CHSY3: variants seen among roughly 807,000 people sequenced by gnomAD.
CHSY3 encodes the protein chondroitin sulfate synthase 3.
In CHSY3, 35 loss-of-function variants were observed where a neutral mutation model predicts 67.2. That is an observed-to-expected ratio of 0.52 (90% CI 0.40 to 0.69). The LOEUF is 0.69. Among genes scored for constraint, CHSY3 ranks in the 30% least tolerant of loss-of-function variants. The pLI is 0.00. For synonymous variants in CHSY3, 474 were observed against 434.7 expected, an observed-to-expected ratio of 1.09 and a Z score of -1.12; for missense variants, 1,069 against 1,138.5, an observed-to-expected ratio of 0.94 and a Z score of 0.88.
chr5:129,982,696 TTA>T (rs1005106731), intron 2 of CHSY3, among the ~76,000 whole-genome samples: 2 of 152,040 alleles, frequency 1.3e-5, no homozygotes, highest in African/African-American at 2.4e-5. Flanking sequence ...GCTTTAAAAT[TTA>T]TGTTAATTTA....
intron 2 of CHSY3, among the ~76,000 whole-genome samples, chr5:129,913,821 A>G (rs1055198001): frequency 1.3e-5 from 2 of 152,200 alleles, no homozygotes; most frequent in African/African-American, 4.8e-5. Context: ...AAATTATTTC[A>G]TAAGACTAAC....
At chr5:129,939,460 G>C (rs1190971885) in intron 2 of CHSY3, among the ~76,000 whole-genome samples, 1 of 152,070 alleles carries the variant, frequency 6.6e-6, no homozygotes, top group Non-Finnish European at 1.5e-5. Flanking sequence ...TGTAATATTT[G>C]TATAGGATTT....
intron 2 of CHSY3, among the ~76,000 whole-genome samples, chr5:129,943,841 A>G (rs547033697): frequency 1.3e-5 from 2 of 152,352 alleles, no homozygotes; most frequent in African/African-American, 4.8e-5. Context: ...TGGATTAAAT[A>G]TTAAATATTG....
intron 2 of CHSY3, among the ~76,000 whole-genome samples, chr5:129,991,070 G>A (rs1297794697): frequency 6.6e-6 from 1 of 152,160 alleles, no homozygotes; most frequent in Non-Finnish European, 1.5e-5. Context: ...TAGATCATTA[G>A]AACTGAGTAA....
chr5:129,933,749 A>G (rs73785817), intron 2 of CHSY3, among the ~76,000 whole-genome samples: 80 of 152,230 alleles, frequency 5.3e-4, no homozygotes, highest in African/African-American at 1.9e-3. Context: ...TTATCTCTAA[A>G]TTCTTTTGTA....
In CHSY3 at chr5:130,028,529, T is replaced by C. The variant is rs150148733; in HGVS notation, c.1086+120169T>C. Reference sequence around the variant, plus strand: ...ATACTTTTTAATAATTATGAACTATTATTACAATTACTATTTTGGCTAAGC... The same window carrying C: ...ATACTTTTTAATAATTATGAACTATCATTACAATTACTATTTTGGCTAAGC... On this transcript the variant is annotated intron_variant, in intron 2 of 2. Coordinates refer to ENST00000305031, the MANE Select transcript of CHSY3 (RefSeq NM_175856.5). Among the ~76,000 whole-genome samples, 1,379 of 152,280 alleles carry C rather than the reference T, an allele frequency of 9.1e-3. 14 individuals are homozygous for C. Among genetic ancestry groups the C allele is most frequent in the Middle Eastern group, 0.017 (5 of 294 alleles).
At chr5:130,146,256 A>T (rs773210646) in intron 2 of CHSY3, among the ~76,000 whole-genome samples, 6 of 152,202 alleles carry the variant, frequency 3.9e-5, no homozygotes, top group Admixed American at 6.5e-5. Context: ...AAACAATGTG[A>T]TATTATCTAG....
chr5:129,972,713 C>T (rs1561479565), intron 2 of CHSY3, among the ~76,000 whole-genome samples: 1 of 151,958 alleles, frequency 6.6e-6, no homozygotes, highest in Non-Finnish European at 1.5e-5. Flanking sequence ...CTCTCCTACT[C>T]ACAAAGCTTT....
intron 2 of CHSY3, among the ~76,000 whole-genome samples, chr5:130,099,563 T>C: frequency 6.6e-6 from 1 of 152,232 alleles, no homozygotes; most frequent in East Asian, 1.9e-4. Flanking sequence ...AGAATGATTC[T>C]ATTTTGAATG....
chr5:130,031,268 G>A (rs922199803), intron 2 of CHSY3, among the ~76,000 whole-genome samples: 1 of 151,922 alleles, frequency 6.6e-6, no homozygotes, highest in Non-Finnish European at 1.5e-5. Flanking sequence ...TGTCCAAGGA[G>A]TTATATTATT....
chr5:129,921,222 C>T (rs1760913508), intron 2 of CHSY3, among the ~76,000 whole-genome samples: 1 of 152,154 alleles, frequency 6.6e-6, no homozygotes, highest in African/African-American at 2.4e-5. Context: ...TACTCTTGCA[C>T]TTTGGGGCCG....
intron 2 of CHSY3, among the ~76,000 whole-genome samples, chr5:130,087,905 G>T (rs933606124): frequency 6.6e-6 from 1 of 151,634 alleles, no homozygotes; most frequent in African/African-American, 2.4e-5. Context: ...AGCCCACATC[G>T]CCAAGTCAAT....
chr5:129,913,518 C>T lies in CHSY3; in HGVS notation c.1086+5158C>T, dbSNP rs569555641. Among the ~76,000 whole-genome samples, 27 of 152,154 alleles carry T rather than the reference C, an allele frequency of 1.8e-4. 1 individual carries two copies. The highest frequency in any genetic ancestry group is 7.9e-4 in the Admixed American group (12 of 15,284). ...TTCTCACTGTTAAAAATTATTTATA[C>T]ATTCATGTTCATTTTGTGTATTAGC... is the stretch of plus-strand genomic sequence containing the variant. On this transcript the variant is annotated intron_variant, in intron 2 of 2. Coordinates refer to ENST00000305031, the MANE Select transcript of CHSY3 (RefSeq NM_175856.5).
chr5:129,929,260 G>A (rs949296236), intron 2 of CHSY3, among the ~76,000 whole-genome samples: 11 of 152,188 alleles, frequency 7.2e-5, no homozygotes, highest in Non-Finnish European at 1.3e-4. Context: ...TGTGAGGAGT[G>A]AAAGAGATCA....
Position 130,185,670 on chromosome 5 carries a change from A to G in CHSY3, c.2528A>G (p.Asp843Gly). 1 of 1,614,012 alleles carries G rather than the reference A, an allele frequency of 6.2e-7. No homozygotes were observed. The highest frequency in any genetic ancestry group is 2.2e-5 in the East Asian group (1 of 44,870). The change falls in exon 3 of 3, where the codon GAC becomes GGC. Residue 843 changes from aspartate to glycine, a missense_variant. Around this residue, in one of 5 missense-constraint regions of CHSY3, gnomAD observed 139 missense variants for 152.8 expected, o/e 0.91. Transcript: ENST00000305031. ...FHPVHCDPNL[D>G]PKQYKMCLGS... ...CCAGTTCATTGTGATCCTAACTTGG[A>G]CCCTAAGCAGTATAAGATGTGCTTA...
intron 2 of CHSY3, among the ~76,000 whole-genome samples, chr5:129,986,770 G>A (rs1763216327): frequency 6.6e-6 from 1 of 152,068 alleles, no homozygotes; most frequent in Admixed American, 6.6e-5. Context: ...AGCCCCCCAA[G>A]TAGCTGGGAT....
At chr5:129,907,632 G>C (rs918614788) in intron 1 of CHSY3, among the ~76,000 whole-genome samples, 4 of 152,092 alleles carry the variant, frequency 2.6e-5, no homozygotes, top group Non-Finnish European at 5.9e-5. Context: ...CTGAAGTTTA[G>C]TTAATGGCAA....
chr5:130,052,437 T>C (rs1240952802), intron 2 of CHSY3, among the ~76,000 whole-genome samples: 2 of 152,182 alleles, frequency 1.3e-5, no homozygotes, highest in Non-Finnish European at 2.9e-5. Flanking sequence ...TTACTTTTGG[T>C]ATTATTATCC....
chr5:130,176,755 C>T (rs961878033), intron 2 of CHSY3, among the ~76,000 whole-genome samples: 3 of 152,094 alleles, frequency 2.0e-5, no homozygotes, highest in African/African-American at 7.2e-5. Context: ...GAAAACCAAA[C>T]ATTGCATGTT....
Sources: allele counts gnomAD v4.1 joint callset (sites outside exome capture counted in the v4.1 genomes callset), GRCh38; gene constraint gnomAD v4.1.1; regional missense constraint gnomAD v4.1.1; transcripts MANE v1.5; gene names NCBI Gene and HGNC (gene_info 2026-07-23, HGNC 2026-07-21).